PNKD: variants seen among roughly 807,000 people sequenced by gnomAD.
PNKD encodes probable thioesterase PNKD.
In PNKD, 36 loss-of-function variants were observed where a neutral mutation model predicts 45.3. The ratio of observed to expected loss-of-function variants is 0.80; its 90% CI spans 0.61 to 1.05. The LOEUF is 1.05. Among genes scored for constraint, PNKD ranks in the 50% least tolerant of loss-of-function variants. PNKD has a pLI of 0.00. For synonymous variants in PNKD, 197 were observed against 210.1 expected (o/e 0.94, Z 0.54); for missense variants, 511 against 506.6 (o/e 1.01, Z -0.08).
At chr2:218,317,293 A>G (rs1292631940) in intron 2 of PNKD, among the ~76,000 whole-genome samples, 1 of 152,218 alleles carries the variant, frequency 6.6e-6, no homozygotes, top group Non-Finnish European at 1.5e-5. Flanking sequence ...TGGGGGACGG[A>G]CCAGAATTCC....
chr2:218,338,460 C>CAA (rs200743728), intron 2 of PNKD, among the ~76,000 whole-genome samples: 3,059 of 100,652 alleles, frequency 0.03, 142 homozygotes, highest in African/African-American at 0.1. Flanking sequence ...GACTCTGTCT[C>CAA]AAAAAAAAAA....
chr2:218,275,906 A>T (rs1422053636), intron 2 of PNKD: 1 of 1,205,718 alleles, frequency 8.3e-7, no homozygotes, highest in African/African-American at 1.5e-5. Flanking sequence ...CAGTAGTGAG[A>T]GGAATGGCCT....
At chr2:218,275,639 C>T (rs1480588497) in intron 2 of PNKD, 1 of 1,601,984 alleles carries the variant, frequency 6.2e-7, no homozygotes. Context: ...GATAGGGAAG[C>T]CAGAAGTGAG....
chr2:218,334,655 AG>A (rs1694436502), intron 2 of PNKD: 1 of 701,342 alleles, frequency 1.4e-6, no homozygotes, highest in Non-Finnish European at 2.6e-6. Context: ...ACCCAAAAAA[AG>A]AATTATAGAT....
At chr2:218,305,775 G>T (rs538496949) in intron 2 of PNKD, among the ~76,000 whole-genome samples, 1 of 152,268 alleles carries the variant, frequency 6.6e-6, no homozygotes, top group South Asian at 2.1e-4. Flanking sequence ...TTTTTCCAGG[G>T]TCTGGAGTTA....
At chr2:218,278,704 T>C (rs766136007) in intron 2 of PNKD, 38 of 931,496 alleles carry the variant, frequency 4.1e-5, no homozygotes, top group Non-Finnish European at 5.9e-5. Flanking sequence ...AAGAACGAGA[T>C]TACCCCCAGC....
intron 2 of PNKD, chr2:218,278,309 G>A (rs988937991): frequency 3.4e-5 from 21 of 621,080 alleles, no homozygotes; most frequent in Non-Finnish European, 5.4e-5. Context: ...TGTCTTGCAG[G>A]GTTACTATAA....
intron 2 of PNKD, among the ~76,000 whole-genome samples, chr2:218,331,152 T>C (rs1382021532): frequency 6.6e-6 from 1 of 152,192 alleles, no homozygotes; most frequent in Non-Finnish European, 1.5e-5. Flanking sequence ...TGGTGGCTGA[T>C]GCCTGTAATC....
chr2:218,279,630 G>T, intron 2 of PNKD: 1 of 489,116 alleles, frequency 2.0e-6, no homozygotes, highest in Non-Finnish European at 3.6e-6. Flanking sequence ...TATGGCCTCT[G>T]CACTCCCAGC....
chr2:218,299,972 G>A (rs1026971837), intron 2 of PNKD, among the ~76,000 whole-genome samples: 1 of 151,888 alleles, frequency 6.6e-6, no homozygotes, highest in Non-Finnish European at 1.5e-5. Context: ...GCCTAGGCTG[G>A]TCTCAAACTC....
chr2:218,336,246 A>G (rs1441942130), intron 2 of PNKD, among the ~76,000 whole-genome samples: 6 of 151,488 alleles, frequency 4.0e-5, no homozygotes, highest in Non-Finnish European at 7.4e-5. Flanking sequence ...AAAAATAGCC[A>G]TTAAAAGTAC....
rs886583747 is a variant in PNKD at position 218,326,219 on chromosome 2, T to C, written c.237-13564T>C. 6.6e-6 allele frequency among the ~76,000 whole-genome samples: 1 copy of C among 152,138 alleles called. No individual in the cohort carries two copies. The highest frequency in any genetic ancestry group is 2.4e-5 in the African/African-American group (1 of 41,422). ...ACCAGGCTCACCGGGAGGAGAGCTG[T>C]TGACCATGTTATCATTAGTAATCAT... On this transcript the variant is annotated intron_variant, in intron 2 of 9. Transcript: ENST00000273077. This position sits in a 1 kb window ranked among gnomAD's most constrained non-coding sequence, Gnocchi z 4.1.
chr2:218,272,885 C>G, intron 2 of PNKD: 7 of 1,581,558 alleles, frequency 4.4e-6, no homozygotes, highest in Non-Finnish European at 5.2e-6. Context: ...AAACCCTACC[C>G]TGCCCCACAC....
At chr2:218,303,273 G>A (rs1339907532) in intron 2 of PNKD, among the ~76,000 whole-genome samples, 1 of 152,096 alleles carries the variant, frequency 6.6e-6, no homozygotes, top group African/African-American at 2.4e-5. Context: ...GGTTAACTTT[G>A]GAATGCCCTG....
intron 2 of PNKD, among the ~76,000 whole-genome samples, chr2:218,304,323 T>C (rs894205004): frequency 6.6e-6 from 1 of 152,092 alleles, no homozygotes; most frequent in Non-Finnish European, 1.5e-5. Context: ...TTTGTATTTT[T>C]AGTAGAGACA....
intron 2 of PNKD, among the ~76,000 whole-genome samples, chr2:218,307,397 A>G (rs1384625651): frequency 6.6e-6 from 1 of 152,224 alleles, no homozygotes; most frequent in Non-Finnish European, 1.5e-5. Context: ...CAGCAGCTGG[A>G]TGGTCCCATC....
intron 3 of PNKD, 55 bp downstream of exon 3, chr2:218,339,953 G>A (rs1045853873): frequency 6.7e-5 from 62 of 924,152 alleles, no homozygotes; most frequent in African/African-American, 2.1e-4. Flanking sequence ...CACCCTCCCC[G>A]CCTGCTCCCC....
intron 2 of PNKD, chr2:218,286,316 C>G (rs1311042272): frequency 6.6e-6 from 1 of 152,068 alleles, no homozygotes; most frequent in South Asian, 2.1e-4. Context: ...GGATTACAGG[C>G]ATGAGCCACT....
intron 2 of PNKD, chr2:218,272,676 A>G: frequency 1.9e-6 from 3 of 1,614,236 alleles, no homozygotes; most frequent in Non-Finnish European, 2.5e-6. Context: ...GCGGTTGTCC[A>G]ACACGGGCGA....
Sources: allele counts gnomAD v4.1 joint callset (sites outside exome capture counted in the v4.1 genomes callset), GRCh38; gene constraint gnomAD v4.1.1; non-coding constraint Gnocchi (gnomAD v3.1); transcripts MANE v1.5; gene names NCBI Gene and HGNC (gene_info 2026-07-23, HGNC 2026-07-21).